The following CDNF variants were observed in gnomAD, a reference collection of about 807,000 sequenced individuals.
The protein encoded by CDNF is ARMET-like protein 1.
CDNF carries 9 observed loss-of-function variants against 14.8 expected under a neutral mutation model. That is an observed-to-expected ratio of 0.61 (90% confidence interval 0.37 to 1.06). The LOEUF (loss-of-function observed/expected upper bound fraction) is 1.06. Ranked by LOEUF, CDNF falls within the 50% of genes least tolerant of loss-of-function variation. The pLI is 0.01. For synonymous variants in CDNF, 86 were observed against 87.2 expected (o/e 0.99, Z 0.07); for missense variants, 228 against 228.4 (o/e 1.00, Z 0.01).
At chr10:14,822,889 T>A (rs186570203) in intron 3 of CDNF, among the ~76,000 whole-genome samples, 1 of 152,230 alleles carries the variant, frequency 6.6e-6, no homozygotes, top group African/African-American at 2.4e-5. Context: ...CCCTTAAATT[T>A]TTATAGTGAT....
intron 1 of CDNF, among the ~76,000 whole-genome samples, chr10:14,831,543 CAT>C (rs200375518): frequency 1.4e-5 from 2 of 146,126 alleles, no homozygotes; most frequent in Non-Finnish European, 1.5e-5. Context: ...ATATATAATA[CAT>C]ATATACACAC....
At chr10:14,836,953 AAAC>A (rs931979124) in intron 1 of CDNF, among the ~76,000 whole-genome samples, 12 of 152,108 alleles carry the variant, frequency 7.9e-5, no homozygotes, top group African/African-American at 2.4e-4. Flanking sequence ...ACAAAAAACA[AAAC>A]AACAAAACAA....
At position 14,824,831 on chromosome 10, in the gene CDNF, T is replaced by TATTA. The variant is rs1833765879; in HGVS notation, c.385+647_385+648insTAAT. ...TCTTTGAATAGGTACTAGTTTTGTT[T>TATTA]TAATAGATTACCAAGATCCAAATCA... On this transcript the variant is annotated intron_variant, in intron 3 of 3. Transcript: ENST00000465530. 3.3e-5 allele frequency among the ~76,000 whole-genome samples: 5 copies of TATTA among 152,284 alleles called. No individual in the cohort carries two copies. The South Asian group carries it at 1.0e-3, about 32-fold the overall frequency.
chr10:14,829,849 C>G (rs1243085171), intron 1 of CDNF, among the ~76,000 whole-genome samples: 3 of 152,110 alleles, frequency 2.0e-5, no homozygotes, highest in Admixed American at 2.0e-4. Context: ...AGGCTGGTCT[C>G]AAACTCCTGA....
rs1339648821 is a variant in CDNF at position 14,828,153 on chromosome 10, TTTC to T, written c.232_234del (p.Glu78del). The T allele has an allele frequency of 6.2e-7, 1 of 1,613,846 alleles. No individual in the cohort carries two copies. Reference sequence around the variant, plus strand: ...GGTGAAATTTACTATACCAGGCGGTTTTCTTTTCCTTTGGTGTCCAAGCAAAAA... The same window carrying T: ...GGTGAAATTTACTATACCAGGCGGTTTTTTCCTTTGGTGTCCAAGCAAAAA... On this transcript the variant is annotated inframe_deletion, in exon 2 of 4. Coordinates refer to ENST00000465530, the MANE Select transcript of CDNF (RefSeq NM_001029954.3).
At chr10:14,829,454 C>G (rs927893704) in intron 1 of CDNF, among the ~76,000 whole-genome samples, 5 of 152,176 alleles carry the variant, frequency 3.3e-5, no homozygotes, top group African/African-American at 1.2e-4. Context: ...CTGCACACAC[C>G]TGTGGTCCCA....
At chr10:14,826,243 A>C (rs1007482395) in intron 2 of CDNF, among the ~76,000 whole-genome samples, 2 of 152,020 alleles carry the variant, frequency 1.3e-5, no homozygotes, top group African/African-American at 4.8e-5. Flanking sequence ...CAGCAGCAGA[A>C]GAAGCATAAG....
At chr10:14,836,312 T>C (rs1049249110) in intron 1 of CDNF, 3 of 152,230 alleles carry the variant, frequency 2.0e-5, no homozygotes, top group Non-Finnish European at 1.5e-5. Flanking sequence ...ATGAAATATA[T>C]AGACAGGTTA....
intron 2 of CDNF, among the ~76,000 whole-genome samples, chr10:14,826,017 A>AAGAAGAAGG (rs1564313216): frequency 5.6e-5 from 7 of 124,772 alleles, no homozygotes; most frequent in Non-Finnish European, 1.1e-4. Context: ...GCAGAAGCAG[A>AAGAAGAAGG]AGAAGAAGAA....
chr10:14,828,080 G>T (rs1428883137), intron 2 of CDNF, 65 bp downstream of exon 2: 5 of 1,542,556 alleles, frequency 3.2e-6, no homozygotes, highest in Non-Finnish European at 3.6e-6. Context: ...TCACGTCTAA[G>T]AAATGAAACT....
chr10:14,824,089 T>G (rs535778801), intron 3 of CDNF, among the ~76,000 whole-genome samples: 3 of 152,322 alleles, frequency 2.0e-5, no homozygotes, highest in Admixed American at 6.5e-5. Flanking sequence ...TGCTAATTAC[T>G]TAGGTAGTTG....
intron 2 of CDNF, 149 bp from the exon 3 acceptor site, chr10:14,825,769 AG>A (rs1482599459): frequency 1.3e-5 from 10 of 782,548 alleles, no homozygotes; most frequent in Non-Finnish European, 2.1e-5. Context: ...GAGGTTGAGG[AG>A]GGCAGATCAT....
intron 1 of CDNF, among the ~76,000 whole-genome samples, chr10:14,831,246 C>G (rs538421569): frequency 3.5e-4 from 54 of 152,184 alleles, no homozygotes; most frequent in African/African-American, 1.1e-3. Context: ...ACCATGAAAA[C>G]TTCAGTTCAG....
chr10:14,824,716 C>T (rs1273022891), intron 3 of CDNF, among the ~76,000 whole-genome samples: 1 of 151,904 alleles, frequency 6.6e-6, no homozygotes, highest in South Asian at 2.1e-4. Flanking sequence ...TGTGAATAAC[C>T]AATTTCCCAA....
chr10:14,826,640 G>A (rs993778375), intron 2 of CDNF, among the ~76,000 whole-genome samples: 5 of 152,210 alleles, frequency 3.3e-5, no homozygotes, highest in Non-Finnish European at 7.3e-5. Flanking sequence ...TTCACATGGT[G>A]TTAAAAGACT....
chr10:14,824,605 CAAAAAAAAA>C (rs572648812), intron 3 of CDNF, among the ~76,000 whole-genome samples: 1 of 64,662 alleles, frequency 1.5e-5, no homozygotes, highest in South Asian at 3.8e-4. Flanking sequence ...GACTTCCCCT[CAAAAAAAAA>C]AAAAAAAAAA....
chr10:14,820,982 G>A (rs1394222070), intron 3 of CDNF, among the ~76,000 whole-genome samples: 2 of 152,058 alleles, frequency 1.3e-5, no homozygotes, highest in Non-Finnish European at 2.9e-5. Flanking sequence ...CTGCAGTCAC[G>A]TAAGACATGC....
chr10:14,828,949 C>T (rs562575318), intron 1 of CDNF, among the ~76,000 whole-genome samples: 11 of 152,172 alleles, frequency 7.2e-5, no homozygotes, highest in African/African-American at 2.4e-4. Context: ...CACTTAAGCC[C>T]GGCAGATGGA....
In CDNF at chr10:14,837,792, G is replaced by A. The variant is rs1007049232; in HGVS notation, c.115+40C>T. The A allele has an allele frequency of 4.6e-6, 6 of 1,292,064 alleles. No individual in the cohort carries two copies. In the East Asian group the frequency reaches 1.3e-4, roughly 27 times the overall value. The allele number at this position is 1,292,064 out of a possible 1,614,324, so 80.0% of individuals were successfully genotyped here. A position where few individuals can be genotyped will look rare whatever the true frequency, so the allele number is the denominator to read the frequency against. ...AAGCCGACAGCTGCTGCGCCGCAGC[G>A]CGGGGCCGCCGCCATGCAAGCAGTT... is the stretch of plus-strand genomic sequence containing the variant. On this transcript the variant is annotated intron_variant, in intron 1 of 3. Coordinates refer to ENST00000465530, the MANE Select transcript of CDNF (RefSeq NM_001029954.3).
Sources: allele counts gnomAD v4.1 joint callset (sites outside exome capture counted in the v4.1 genomes callset), GRCh38; gene constraint gnomAD v4.1.1; transcripts MANE v1.5; gene names NCBI Gene and HGNC (gene_info 2026-07-23, HGNC 2026-07-21).